EOGT: variants seen among roughly 807,000 people sequenced by gnomAD.
EOGT encodes EGF domain-specific O-linked N-acetylglucosamine transferase.
EOGT carries 55 observed loss-of-function variants against 70.5 expected under a neutral mutation model. The ratio of observed to expected loss-of-function variants is 0.78; its 90% CI spans 0.63 to 0.98. The LOEUF is 0.98. Among genes scored for constraint, EOGT ranks in the 50% least tolerant of loss-of-function variants. EOGT has a pLI of 0.00. For missense variants in EOGT, 703 were observed against 641.9 expected, an observed-to-expected ratio of 1.10 and a Z score of -1.03; for synonymous variants, 246 against 217.1, an observed-to-expected ratio of 1.13 and a Z score of -1.17.
chr3:68,983,175 G>C (rs1215629925), intron 14 of EOGT, among the ~76,000 whole-genome samples: 1 of 152,154 alleles, frequency 6.6e-6, no homozygotes, highest in Non-Finnish European at 1.5e-5. Flanking sequence ...AAAGTGCTAG[G>C]CACAGAAATA....
chr3:68,990,420 T>C (rs1012880478), intron 10 of EOGT, among the ~76,000 whole-genome samples: 1 of 147,570 alleles, frequency 6.8e-6, no homozygotes, highest in Non-Finnish European at 1.5e-5. Flanking sequence ...TGTCGTGATC[T>C]GGGCTCACTG....
At chr3:68,987,792 G>A in intron 13 of EOGT, 1 of 479,402 alleles carries the variant, frequency 2.1e-6, no homozygotes, top group Middle Eastern at 5.5e-4. Flanking sequence ...ATTTGGGGAG[G>A]TGAGGGAGAT....
intron 10 of EOGT, among the ~76,000 whole-genome samples, chr3:68,991,546 C>A (rs1488954316): frequency 1.3e-5 from 2 of 152,112 alleles, no homozygotes; most frequent in South Asian, 2.1e-4. Flanking sequence ...AAACAGAATA[C>A]CACATAACAT....
At chr3:69,008,581 T>C (rs1453173241) in intron 4 of EOGT, 53 bp from the exon 5 acceptor site, 1 of 1,296,790 alleles carries the variant, frequency 7.7e-7, no homozygotes, top group Non-Finnish European at 1.1e-6. Context: ...TAGAGAAGAC[T>C]CTTAGATTTT....
intron 7 of EOGT, among the ~76,000 whole-genome samples, chr3:69,004,904 A>T (rs1399632378): frequency 6.6e-6 from 1 of 152,032 alleles, no homozygotes; most frequent in African/African-American, 2.4e-5. Context: ...TCTCTTCAAA[A>T]ATTAAAAAAT....
Position 68,997,972 on chromosome 3 carries a change from G to T in EOGT, c.831+39C>A, listed in dbSNP as rs772572863. 4.2e-6 allele frequency: 5 copies of T among 1,181,706 alleles called. No individual in the cohort carries two copies. In the East Asian group the frequency reaches 9.8e-5, roughly 23 times the overall value. 73.2% of individuals were successfully genotyped at this position (1,181,706 alleles called of 1,614,324 possible). On this transcript the variant is annotated intron_variant, in intron 10 of 17. Transcript: ENST00000383701. ...ATCAGAGTCACACACTGATACAAGG[G>T]AAAGACAGTACTGAAGCGGAGAGCA...
rs1266806611 is a variant in EOGT, at chr3:68,987,466, C to G, written c.1131G>C (p.Arg377=). 6.2e-7 allele frequency: 1 copy of G among 1,613,400 alleles called. No homozygotes were observed. The highest frequency in any genetic ancestry group is 1.7e-5 in the Admixed American group (1 of 59,932). The change falls in exon 14 of 18, where the codon CGG becomes CGC. Residue 377 remains arginine (R), a synonymous_variant. Transcript: ENST00000383701. ...TAACCTCATTTTGGTTAAGGATTTT[C>G]CGGTATTCTGTGCTCCGTGCAAGAA... The part of the protein sequence containing the change: ...VTILARSTEY[R]KILNQNELVN...
chr3:68,983,723 G>A (rs2090719964), intron 14 of EOGT, among the ~76,000 whole-genome samples: 3 of 152,250 alleles, frequency 2.0e-5, no homozygotes, highest in Non-Finnish European at 1.5e-5. Context: ...CAGCACTTTG[G>A]GAGGCCGAGG....
At position 68,977,667 on chromosome 3, in the gene EOGT, A is replaced by ACGTGGT. The variant is rs1295091371; in HGVS notation, c.1529_1534dup (p.Asp510_His511dup). The ACGTGGT allele has an allele frequency of 6.2e-7, 1 of 1,613,890 alleles. No homozygotes were observed. Among genetic ancestry groups the ACGTGGT allele is most frequent in the Non-Finnish European group, 8.5e-7 (1 of 1,179,966 alleles). The stretch of plus-strand genomic sequence containing the variant: ...AAATGGCCACTTTGGGTGTTGCAAT[A>ACGTGGT]CGTGGTCTGCAGCCTGAAGGACAAG... On this transcript the variant is annotated inframe_insertion, in exon 18 of 18. Coordinates refer to ENST00000383701, the MANE Select transcript of EOGT (RefSeq NM_001278689.2).
intron 14 of EOGT, 84 bp downstream of exon 14, chr3:68,987,361 T>C (rs369359608): frequency 4.0e-6 from 4 of 1,012,084 alleles, no homozygotes; most frequent in African/African-American, 3.4e-5. Context: ...ACCAAAGCTT[T>C]TAACGTAATG....
At chr3:68,990,285 C>T (rs2090953334) in intron 10 of EOGT, among the ~76,000 whole-genome samples, 1 of 151,902 alleles carries the variant, frequency 6.6e-6, no homozygotes, top group South Asian at 2.1e-4. Context: ...GCCTGTGCTG[C>T]CACTTCCATC....
At chr3:68,994,816 T>C (rs1216908128) in intron 10 of EOGT, among the ~76,000 whole-genome samples, 1 of 152,108 alleles carries the variant, frequency 6.6e-6, no homozygotes, top group East Asian at 1.9e-4. Context: ...AAAGTAATCA[T>C]AAAGCTATAC....
intron 15 of EOGT, 105 bp from the exon 16 acceptor site, chr3:68,979,892 C>G: frequency 9.4e-7 from 1 of 1,063,008 alleles, no homozygotes; most frequent in Non-Finnish European, 1.3e-6. Flanking sequence ...GTGTATTGCC[C>G]ATTTTAAACC....
At chr3:69,004,885 A>G (rs1241963847) in intron 7 of EOGT, among the ~76,000 whole-genome samples, 1 of 152,034 alleles carries the variant, frequency 6.6e-6, no homozygotes, top group Non-Finnish European at 1.5e-5. Flanking sequence ...GCAACGTTAG[A>G]AGACCCCATC....
At chr3:68,988,232 G>A in intron 13 of EOGT, 63 bp downstream of exon 13, 8 of 1,096,728 alleles carry the variant, frequency 7.3e-6, no homozygotes. Context: ...TGAAAAGGTG[G>A]TATCGATTTT....
chr3:68,979,587 T>C (rs2090573427), intron 16 of EOGT, 81 bp downstream of exon 16: 3 of 1,450,164 alleles, frequency 2.1e-6, no homozygotes, highest in Non-Finnish European at 2.8e-6. Flanking sequence ...ATTAAGCCTT[T>C]TGATGCTCAG....
At chr3:69,000,493 A>T (rs183326523) in intron 9 of EOGT, among the ~76,000 whole-genome samples, 164 of 152,334 alleles carry the variant, frequency 1.1e-3, no homozygotes, top group African/African-American at 3.8e-3. Context: ...CTTTTATTTC[A>T]AAAACCTAAA....
At chr3:68,987,759 G>C in intron 13 of EOGT, 1 of 543,810 alleles carries the variant, frequency 1.8e-6, no homozygotes, top group Non-Finnish European at 3.2e-6. Flanking sequence ...TTTTTTGGCA[G>C]GGGTTGTGTA....
At chr3:69,013,070 G>A (rs1311113295) in intron 1 of EOGT, among the ~76,000 whole-genome samples, 6 of 152,066 alleles carry the variant, frequency 3.9e-5, no homozygotes, top group Non-Finnish European at 8.8e-5. Flanking sequence ...AGTCCCGGCA[G>A]AGCCCAGCTG....
Sources: gnomAD v4.1 joint callset for allele counts (sites outside exome capture counted in the v4.1 genomes callset) on GRCh38, gnomAD v4.1.1 for gene constraint, MANE v1.5 for transcripts, NCBI Gene and HGNC (gene_info 2026-07-23, HGNC 2026-07-21) for gene names.